Variants in USP24 observed in about 807,000 individuals in gnomAD.
The protein encoded by USP24 is ubiquitin specific peptidase 24.
A neutral mutation model predicts 361.6 loss-of-function variants in USP24; 97 were observed. The ratio of observed to expected loss-of-function variants is 0.27; its 90% CI spans 0.23 to 0.32. The LOEUF is 0.32. USP24 is among the 10% of genes least tolerant of loss of function. USP24 has a pLI of 1.00. For synonymous variants in USP24, 1,098 were observed against 1,124.6 expected (o/e 0.98, Z 0.47); for missense variants, 2,353 against 3,165.6 (o/e 0.74, Z 6.16).
intron 38 of USP24, among the ~76,000 whole-genome samples, chr1:55,111,080 G>T (rs1645935746): frequency 6.6e-6 from 1 of 152,012 alleles, no homozygotes; most frequent in Non-Finnish European, 1.5e-5. Context: ...TTAGTATGCT[G>T]TGTGGTGGTG....
intron 15 of USP24, 37 bp from the exon 16 acceptor site, chr1:55,153,954 G>GT (rs758631764): frequency 6.5e-7 from 1 of 1,547,012 alleles, no homozygotes; most frequent in African/African-American, 1.4e-5. Context: ...AAGTGACTTG[G>GT]TAAAAGCAAT....
chr1:55,096,953 G>T lies in USP24; in HGVS notation c.5935C>A (p.Arg1979=), dbSNP rs1291237799. 6.2e-7 allele frequency: 1 copy of T among 1,612,926 alleles called. No homozygotes were observed. Among genetic ancestry groups the T allele is most frequent in the Non-Finnish European group, 8.5e-7 (1 of 1,179,384 alleles). The change falls in exon 49 of 68, where the codon CGA becomes AGA. Residue 1979 remains arginine, a splice_region_variant and synonymous_variant. Transcript: ENST00000294383. ...AGTGCTGCCTCAGGAAACTCTTACCGCCTGTCCTTAATGAAGGAATAGTAG... is the reference window on the plus strand; with the variant it reads ...AGTGCTGCCTCAGGAAACTCTTACCTCCTGTCCTTAATGAAGGAATAGTAG... ...GHYYSFIKDR[R]GCGKGKWYKF...
chr1:55,078,416 G>C, intron 61 of USP24, 122 bp downstream of exon 61: 2 of 567,078 alleles, frequency 3.5e-6, no homozygotes, highest in Non-Finnish European at 5.7e-6. Flanking sequence ...GCCTATACTA[G>C]AATGATTAGG....
chr1:55,110,618 GACAA>G (rs1557575079), intron 38 of USP24, among the ~76,000 whole-genome samples: 1 of 152,112 alleles, frequency 6.6e-6, no homozygotes, highest in Non-Finnish European at 1.5e-5. Flanking sequence ...TAAGAAGGGA[GACAA>G]ACAACAAATT....
intron 39 of USP24, 55 bp from the exon 40 acceptor site, chr1:55,107,485 G>T: frequency 6.8e-7 from 1 of 1,469,398 alleles, no homozygotes. Context: ...CCTTTATGGA[G>T]TCAAAGTCCT....
chr1:55,176,089 T>C (rs528404995), intron 3 of USP24, among the ~76,000 whole-genome samples: 1 of 152,218 alleles, frequency 6.6e-6, no homozygotes, highest in Non-Finnish European at 1.5e-5. Flanking sequence ...AAGTCTAGTA[T>C]AATTAAGTCT....
At position 55,120,160 on chromosome 1, in the gene USP24, A is replaced by G. The variant is rs111639214; in HGVS notation, c.4508+436T>C. 6.4e-3 allele frequency among the ~76,000 whole-genome samples: 970 copies of G among 152,294 alleles called. 4 individuals carry two copies. The highest frequency in any genetic ancestry group is 0.037 in the Middle Eastern group (11 of 294). On this transcript the variant is annotated intron_variant, in intron 38 of 67. Coordinates refer to ENST00000294383, the MANE Select transcript of USP24 (RefSeq NM_015306.3). ...TAGTCATCTCATGAGTTTGGACTACAAGCTCTCTTACATACTGAAGCATGT... is the reference window on the plus strand; with the variant it reads ...TAGTCATCTCATGAGTTTGGACTACGAGCTCTCTTACATACTGAAGCATGT...
chr1:55,095,426 T>C (rs1239434723), intron 50 of USP24, 30 bp from the exon 51 acceptor site: 5 of 1,561,146 alleles, frequency 3.2e-6, no homozygotes, highest in African/African-American at 2.7e-5. Flanking sequence ...GAAACACATC[T>C]GTAAATAAAA....
chr1:55,189,091 A>C (rs1413364167), intron 1 of USP24, among the ~76,000 whole-genome samples: 1 of 152,040 alleles, frequency 6.6e-6, no homozygotes, highest in African/African-American at 2.4e-5. Context: ...TTTCCAAGAC[A>C]GTTTGGCAGT....
chr1:55,142,708 C>A, intron 23 of USP24, 34 bp downstream of exon 23: 2 of 1,376,306 alleles, frequency 1.5e-6, no homozygotes, highest in African/African-American at 1.5e-5. Context: ...AAGCATTTAC[C>A]TCAAAGAGAT....
intron 55 of USP24, chr1:55,086,522 GTGGACCTCAC>G (rs1209107233): frequency 6.2e-6 from 1 of 160,344 alleles, no homozygotes; most frequent in Non-Finnish European, 1.4e-5. Flanking sequence ...AAGGCCATGT[GTGGACCTCAC>G]TGGATCCTGA....
chr1:55,153,694 C>T lies in USP24; in HGVS notation c.1860+176G>A, dbSNP rs148427117. On this transcript the variant is annotated intron_variant, in intron 16 of 67. Transcript: ENST00000294383. ...TAGATTTTTTTTCCCATTAAGAGCA[C>T]CTCCCAAGCTTTAAATAATAAAGCA... Among the ~76,000 whole-genome samples, 357 of 152,058 alleles carry T rather than the reference C, an allele frequency of 2.3e-3. 2 individuals carry two copies. The highest frequency in any genetic ancestry group is 3.8e-3 in the Non-Finnish European group (256 of 67,972).
chr1:55,071,622 A>C, intron 67 of USP24, 192 bp downstream of exon 67: 1 of 1,141,202 alleles, frequency 8.8e-7, no homozygotes. Flanking sequence ...TTCACACTGC[A>C]GCACTACTCA....
intron 24 of USP24, among the ~76,000 whole-genome samples, chr1:55,139,388 G>A (rs960419708): frequency 6.6e-6 from 1 of 152,156 alleles, no homozygotes; most frequent in Non-Finnish European, 1.5e-5. Flanking sequence ...ATACAATTCT[G>A]TGAACACATG....
chr1:55,135,182 G>A (rs747794268), intron 28 of USP24, among the ~76,000 whole-genome samples: 34 of 151,930 alleles, frequency 2.2e-4, no homozygotes, highest in Admixed American at 2.2e-3. Context: ...TGGGGGTCTC[G>A]CTATGTTGGC....
At chr1:55,081,730 A>C (rs1645152723) in intron 58 of USP24, among the ~76,000 whole-genome samples, 1 of 152,168 alleles carries the variant, frequency 6.6e-6, no homozygotes, top group Admixed American at 6.5e-5. Flanking sequence ...TCTACCACTC[A>C]CTGTGCCGCG....
chr1:55,083,390 A>G, intron 57 of USP24, 26 bp from the exon 58 acceptor site: 1 of 1,610,418 alleles, frequency 6.2e-7, no homozygotes, highest in Admixed American at 1.7e-5. Flanking sequence ...GAGAATAACA[A>G]ATTATATTTC....
intron 24 of USP24, among the ~76,000 whole-genome samples, chr1:55,140,848 C>G (rs1646868338): frequency 6.6e-6 from 1 of 152,188 alleles, no homozygotes; most frequent in Non-Finnish European, 1.5e-5. Context: ...ATTTTAGTTA[C>G]TTCCATCTAA....
intron 9 of USP24, 70 bp downstream of exon 9, chr1:55,159,541 T>C (rs1179066787): frequency 5.6e-5 from 76 of 1,345,612 alleles, no homozygotes; most frequent in Non-Finnish European, 7.5e-5. Context: ...GTGTGAACCC[T>C]GCTAAGTCCT....
Sources: gnomAD v4.1 joint callset for allele counts (sites outside exome capture counted in the v4.1 genomes callset) on GRCh38, gnomAD v4.1.1 for gene constraint, MANE v1.5 for transcripts, NCBI Gene and HGNC (gene_info 2026-07-23, HGNC 2026-07-21) for gene names.